Variants in KCNN2 observed in about 807,000 individuals in gnomAD.
KCNN2 encodes the protein potassium calcium-activated channel subfamily N member 2.
Under a neutral mutation model 55.5 loss-of-function variants are expected in KCNN2, and 24 were observed. The ratio of observed to expected loss-of-function variants is 0.43; its 90% CI spans 0.31 to 0.61. The LOEUF (loss-of-function observed/expected upper bound fraction) is 0.61. Ranked by LOEUF, KCNN2 falls within the 20% of genes least tolerant of loss-of-function variation. The probability of loss-of-function intolerance (pLI) is 0.08; values close to 1 mark genes in which losing one functional copy is unlikely to be tolerated. For missense variants in KCNN2, 754 were observed against 853.6 expected (o/e 0.88, Z 1.45); for synonymous variants, 431 against 336.1 (o/e 1.28, Z -3.09).
intron 2 of KCNN2, among the ~76,000 whole-genome samples, chr5:114,396,636 C>T (rs948284382): frequency 1.3e-4 from 20 of 151,664 alleles, no homozygotes; most frequent in African/African-American, 4.8e-4. Flanking sequence ...GCAACCTCTG[C>T]CTCCCAGGTT....
intron 2 of KCNN2, among the ~76,000 whole-genome samples, chr5:114,255,095 T>C (rs1188791228): frequency 6.6e-6 from 1 of 152,196 alleles, no homozygotes; most frequent in African/African-American, 2.4e-5. Flanking sequence ...AAAAGATGAC[T>C]GCTTGATGAC....
intron 1 of KCNN2, among the ~76,000 whole-genome samples, chr5:114,109,752 T>G (rs1438694826): frequency 6.6e-6 from 1 of 152,104 alleles, no homozygotes; most frequent in Non-Finnish European, 1.5e-5. Flanking sequence ...GGCACAGGTA[T>G]GCCTCCTGGC....
chr5:114,466,099 A>C (rs1010799075), intron 4 of KCNN2, among the ~76,000 whole-genome samples: 1 of 152,224 alleles, frequency 6.6e-6, no homozygotes, highest in African/African-American at 2.4e-5. Context: ...AGAGACCAAG[A>C]TCTCTTATTA....
chr5:114,493,332 A>G (rs1311386382), intron 6 of KCNN2, 71 bp from the exon 7 acceptor site: 3 of 937,890 alleles, frequency 3.2e-6, no homozygotes, highest in African/African-American at 3.2e-5. Context: ...AATTTTGTGC[A>G]TGCTCTTTGG....
chr5:114,280,613 A>T (rs1471506136), intron 2 of KCNN2, among the ~76,000 whole-genome samples: 1 of 152,046 alleles, frequency 6.6e-6, no homozygotes, highest in Non-Finnish European at 1.5e-5. Flanking sequence ...ATAGTTGTAG[A>T]TGTGTGGTAT....
intron 4 of KCNN2, among the ~76,000 whole-genome samples, chr5:114,467,258 A>C (rs1398471025): frequency 6.6e-6 from 1 of 152,180 alleles, no homozygotes; most frequent in Non-Finnish European, 1.5e-5. Context: ...AAGAATGCGA[A>C]ACCTAAGGTC....
chr5:114,232,225 T>C (rs1754377453), intron 2 of KCNN2, among the ~76,000 whole-genome samples: 1 of 150,914 alleles, frequency 6.6e-6, no homozygotes, highest in Non-Finnish European at 1.5e-5. Context: ...AGAGGATTAA[T>C]GGTCTCGTCT....
intron 1 of KCNN2, among the ~76,000 whole-genome samples, chr5:114,199,797 G>A (rs1311456658): frequency 6.6e-6 from 1 of 152,024 alleles, no homozygotes; most frequent in Admixed American, 6.5e-5. Context: ...ATTCTTGGCA[G>A]ATAATTTTTT....
intron 1 of KCNN2, among the ~76,000 whole-genome samples, chr5:114,146,017 C>T (rs1404607804): frequency 6.6e-6 from 1 of 152,038 alleles, no homozygotes; most frequent in Non-Finnish European, 1.5e-5. Context: ...GACACAATTT[C>T]AGGTGTCTAG....
chr5:114,265,521 T>C (rs887776778), intron 2 of KCNN2, among the ~76,000 whole-genome samples: 1 of 152,108 alleles, frequency 6.6e-6, no homozygotes, highest in Admixed American at 6.6e-5. Context: ...AGCCAGTGTT[T>C]CAGTCAGAAT....
At chr5:114,148,878 A>T (rs138128141) in intron 1 of KCNN2, among the ~76,000 whole-genome samples, 56 of 152,180 alleles carry the variant, frequency 3.7e-4, no homozygotes, top group African/African-American at 1.3e-3. Flanking sequence ...GCGGCTCACC[A>T]TCCGTGTTAA....
rs62382866 is a variant in KCNN2 at position 114,149,887 on chromosome 5, A to T, written c.-270-71593A>T. Reference sequence around the variant, plus strand: ...CCTTAACCCTAAAGAGGCCAAGAAGAGCTGTGGCAAGATGAGGGCATTTAT... The same window carrying T: ...CCTTAACCCTAAAGAGGCCAAGAAGTGCTGTGGCAAGATGAGGGCATTTAT... On this transcript the variant is annotated intron_variant, in intron 1 of 10. Transcript: ENST00000512097. Among the ~76,000 whole-genome samples the T allele has an allele frequency of 1.4e-3, 218 of 152,282 alleles. 1 individual carries two copies. The highest frequency in any genetic ancestry group is 2.7e-3 in the Non-Finnish European group (182 of 68,020).
chr5:114,457,876 G>C (rs1715916880), intron 3 of KCNN2, among the ~76,000 whole-genome samples: 1 of 152,150 alleles, frequency 6.6e-6, no homozygotes, highest in African/African-American at 2.4e-5. Context: ...AAGAATCACT[G>C]TCCTTTGTTG....
intron 5 of KCNN2, among the ~76,000 whole-genome samples, chr5:114,477,521 C>G (rs550886694): frequency 5.2e-4 from 79 of 152,152 alleles, no homozygotes; most frequent in African/African-American, 1.9e-3. Context: ...CCGACAGGTA[C>G]ATGTGTCCAG....
chr5:114,495,188 G>C (rs1168130708), intron 7 of KCNN2, among the ~76,000 whole-genome samples: 1 of 152,096 alleles, frequency 6.6e-6, no homozygotes, highest in Non-Finnish European at 1.5e-5. Flanking sequence ...ACTTAGCTTT[G>C]ATTAAGCCAT....
At chr5:114,089,993 A>G (rs1751102461) in intron 1 of KCNN2, among the ~76,000 whole-genome samples, 1 of 152,144 alleles carries the variant, frequency 6.6e-6, no homozygotes, top group South Asian at 2.1e-4. Flanking sequence ...GGTGGTCTGG[A>G]TATTTATTCT....
chr5:114,393,249 T>C (rs1758510652), intron 2 of KCNN2, among the ~76,000 whole-genome samples: 1 of 152,202 alleles, frequency 6.6e-6, no homozygotes, highest in Non-Finnish European at 1.5e-5. Flanking sequence ...TTTTATTGAA[T>C]ATTTGGTTTA....
chr5:114,303,734 TGA>T (rs1346304649), intron 2 of KCNN2, among the ~76,000 whole-genome samples: 1 of 152,086 alleles, frequency 6.6e-6, no homozygotes, highest in East Asian at 1.9e-4. Flanking sequence ...AAAACAGATT[TGA>T]GAGAGGTAGA....
chr5:114,087,116 G>A (rs1378970551), intron 1 of KCNN2, among the ~76,000 whole-genome samples: 2 of 151,816 alleles, frequency 1.3e-5, no homozygotes, highest in Non-Finnish European at 2.9e-5. Flanking sequence ...ATTTTTAAAT[G>A]GATTTATTTG....
Sources: gnomAD v4.1 joint callset for allele counts (sites outside exome capture counted in the v4.1 genomes callset) on GRCh38, gnomAD v4.1.1 for gene constraint, MANE v1.5 for transcripts, NCBI Gene and HGNC (gene_info 2026-07-23, HGNC 2026-07-21) for gene names.